Variants in SEL1L2 observed in about 807,000 individuals in gnomAD.
SEL1L2 encodes SEL1L2 adaptor subunit of SYVN1 ubiquitin ligase, also known as protein sel-1 homolog 2.
SEL1L2 carries 89 observed loss-of-function variants against 98.8 expected under a neutral mutation model. The observed-to-expected ratio is 0.90, with a 90% CI of 0.76 to 1.07. The LOEUF is 1.07. Ranked by LOEUF, SEL1L2 falls within the 50% of genes least tolerant of loss-of-function variation. The pLI is 0.00. For missense variants in SEL1L2, 788 were observed against 812.0 expected, an observed-to-expected ratio of 0.97 and a Z score of 0.36; for synonymous variants, 262 against 278.5, an observed-to-expected ratio of 0.94 and a Z score of 0.59.
intron 1 of SEL1L2, among the ~76,000 whole-genome samples, chr20:13,958,780 C>CA (rs997188601): frequency 1.0e-3 from 138 of 137,546 alleles, no homozygotes; most frequent in Middle Eastern, 3.7e-3. Context: ...ACTAAAAATA[C>CA]AAAAAAAAAA....
chr20:13,951,217 C>G (rs982631024), intron 2 of SEL1L2, among the ~76,000 whole-genome samples: 38 of 127,846 alleles, frequency 3.0e-4, no homozygotes, highest in African/African-American at 1.1e-3. Context: ...GCGGAGCTTG[C>G]AGTGAGCCGA....
intron 5 of SEL1L2, among the ~76,000 whole-genome samples, chr20:13,897,927 A>G (rs1351376539): frequency 6.6e-6 from 1 of 151,624 alleles, no homozygotes; most frequent in Non-Finnish European, 1.5e-5. Context: ...ATACCTGTTA[A>G]GATGGCCACT....
chr20:13,987,931 C>T (rs1239569720), intron 1 of SEL1L2, among the ~76,000 whole-genome samples: 3 of 152,100 alleles, frequency 2.0e-5, no homozygotes, highest in Admixed American at 6.5e-5. Flanking sequence ...TGTGGGTTGT[C>T]GTTTCAGTTT....
intron 1 of SEL1L2, among the ~76,000 whole-genome samples, chr20:13,958,910 G>A (rs1259514463): frequency 4.3e-5 from 6 of 139,596 alleles, no homozygotes; most frequent in South Asian, 2.4e-4. Flanking sequence ...GCGACAGAGC[G>A]AGACTCTGTC....
intron 18 of SEL1L2, among the ~76,000 whole-genome samples, chr20:13,857,055 C>T (rs1166906610): frequency 1.3e-5 from 2 of 152,178 alleles, no homozygotes; most frequent in South Asian, 2.1e-4. Context: ...AAATTTGACT[C>T]TGAGATGGCA....
intron 3 of SEL1L2, among the ~76,000 whole-genome samples, chr20:13,922,856 A>C (rs146304516): frequency 1.1e-3 from 160 of 152,330 alleles, no homozygotes; most frequent in African/African-American, 3.6e-3. Context: ...TTAAGATTTT[A>C]GATTTTGTGG....
chr20:13,977,040 G>A lies in SEL1L2; in HGVS notation c.58+13437C>T, dbSNP rs73267333. Among the ~76,000 whole-genome samples, 240 of 152,308 alleles carry A rather than the reference G, an allele frequency of 1.6e-3. 1 individual carries two copies. The highest frequency in any genetic ancestry group is 5.3e-3 in the African/African-American group (222 of 41,556). On this transcript the variant is annotated intron_variant, in intron 1 of 19. Transcript: ENST00000284951. Reference sequence around the variant, plus strand: ...TTTGGAGTACTTGAGAACAAGGTGAGCAGGGAAGGATAGTTGATGCCATTA... The same window carrying A: ...TTTGGAGTACTTGAGAACAAGGTGAACAGGGAAGGATAGTTGATGCCATTA...
chr20:13,859,008 T>C (rs1989613059), intron 18 of SEL1L2, among the ~76,000 whole-genome samples: 1 of 152,212 alleles, frequency 6.6e-6, no homozygotes, highest in African/African-American at 2.4e-5. Flanking sequence ...ACTTACTAGT[T>C]GAATTGGCCT....
At chr20:13,868,996 C>CTT (rs1004053364) in intron 14 of SEL1L2, among the ~76,000 whole-genome samples, 2 of 145,986 alleles carry the variant, frequency 1.4e-5, no homozygotes, top group Non-Finnish European at 3.0e-5. Context: ...CCATTAAGAT[C>CTT]TTTTTTTTTT....
chr20:13,935,412 T>A (rs939110942), intron 2 of SEL1L2, among the ~76,000 whole-genome samples: 1 of 151,740 alleles, frequency 6.6e-6, no homozygotes, highest in Admixed American at 6.6e-5. Context: ...TTAAAAAGGG[T>A]AAGGGGAGGG....
At position 13,878,800 on chromosome 20, in the gene SEL1L2, T is replaced by C. The variant is rs139507416; in HGVS notation, c.958-1212A>G. Among the ~76,000 whole-genome samples, 486 of 152,280 alleles carry C rather than the reference T, an allele frequency of 3.2e-3. 4 individuals carry two copies. Among genetic ancestry groups the C allele is most frequent in the African/African-American group, 0.011 (468 of 41,562 alleles). On this transcript the variant is annotated intron_variant, in intron 10 of 19. Coordinates refer to ENST00000284951, the MANE Select transcript of SEL1L2 (RefSeq NM_025229.2). Reference sequence around the variant, plus strand: ...TATGTTACGTATTATAGATGATTCATAGATAAACAGAAACATGATTCCTAC... The same window carrying C: ...TATGTTACGTATTATAGATGATTCACAGATAAACAGAAACATGATTCCTAC...
Position 13,870,151 on chromosome 20 carries a change from C to G in SEL1L2, c.1157G>C (p.Gly386Ala). ...AATAATTTAACTTACCAGGGGAACT[C>G]CTTTTCCATGAAAGTAAAGAAGACC... ...GLGLLYFHGKGVPLNYAEALK... is the reference protein window; with the variant it reads ...GLGLLYFHGKAVPLNYAEALK... Residue 386 changes from glycine (G) to alanine (A), a missense_variant, in exon 13 of 20, where the codon GGA becomes GCA. Transcript: ENST00000284951. 1 of 1,605,588 alleles carries G rather than the reference C, an allele frequency of 6.2e-7. No homozygotes were observed. Among genetic ancestry groups the G allele is most frequent in the Non-Finnish European group, 8.5e-7 (1 of 1,173,480 alleles).
At chr20:13,949,011 A>G (rs2050141413) in intron 2 of SEL1L2, among the ~76,000 whole-genome samples, 1 of 152,252 alleles carries the variant, frequency 6.6e-6, no homozygotes, top group Admixed American at 6.5e-5. Context: ...GTATAACACC[A>G]AAAGCCCAGG....
intron 12 of SEL1L2, 114 bp from the exon 13 acceptor site, chr20:13,870,317 A>G: frequency 1.4e-6 from 1 of 725,212 alleles, no homozygotes; most frequent in Non-Finnish European, 2.4e-6. Context: ...TAATCAAGGC[A>G]GTTGGCAGGT....
chr20:13,940,185 T>G (rs1850201319), intron 2 of SEL1L2, among the ~76,000 whole-genome samples: 2 of 152,086 alleles, frequency 1.3e-5, no homozygotes, highest in African/African-American at 4.8e-5. Context: ...ATGAAGAGAA[T>G]AAAGCAAGAA....
chr20:13,988,326 T>C (rs1021209152), intron 1 of SEL1L2, among the ~76,000 whole-genome samples: 3 of 152,192 alleles, frequency 2.0e-5, no homozygotes, highest in Admixed American at 6.5e-5. Flanking sequence ...ATACGAACCA[T>C]TGTGCCTAGC....
At position 13,849,468 on chromosome 20, in the gene SEL1L2, T is replaced by C. The variant is rs545809704; in HGVS notation, c.*17A>G. On this transcript the variant is annotated 3_prime_UTR_variant, in exon 20 of 20. Coordinates refer to ENST00000284951, the MANE Select transcript of SEL1L2 (RefSeq NM_025229.2). ...GTGAACTGATTCCCGTGAGCAGGTTTTCCTGTGATCCGCATCCTACCCATG... is the reference window on the plus strand; with the variant it reads ...GTGAACTGATTCCCGTGAGCAGGTTCTCCTGTGATCCGCATCCTACCCATG... 238 of 1,613,074 alleles carry C rather than the reference T, an allele frequency of 1.5e-4. 5 individuals are homozygous for C. In the South Asian group the frequency reaches 2.3e-3, roughly 16 times the overall value.
intron 17 of SEL1L2, among the ~76,000 whole-genome samples, chr20:13,862,687 T>A (rs1990343007): frequency 6.6e-6 from 1 of 151,256 alleles, no homozygotes; most frequent in Non-Finnish European, 1.5e-5. Context: ...TATTATTATT[T>A]ATTATTATTA....
At chr20:13,957,193 C>T (rs369233559) in intron 1 of SEL1L2, among the ~76,000 whole-genome samples, 6 of 152,030 alleles carry the variant, frequency 3.9e-5, no homozygotes, top group African/African-American at 7.2e-5. Flanking sequence ...CCTCTGCCTC[C>T]GTGTTCAAGC....
Sources: allele counts gnomAD v4.1 joint callset (sites outside exome capture counted in the v4.1 genomes callset), GRCh38; gene constraint gnomAD v4.1.1; transcripts MANE v1.5; gene names NCBI Gene and HGNC (gene_info 2026-07-23, HGNC 2026-07-21).